Variants in CEP85L observed in about 807,000 individuals in gnomAD.
CEP85L encodes centrosomal protein 85L.
Under a neutral mutation model 100.3 loss-of-function variants are expected in CEP85L, and 60 were observed. The ratio of observed to expected loss-of-function variants is 0.60; its 90% CI spans 0.49 to 0.74. The LOEUF is 0.74. Ranked by LOEUF, CEP85L falls within the 30% of genes least tolerant of loss-of-function variation. CEP85L has a pLI of 0.00. For missense variants in CEP85L, 973 were observed against 936.2 expected (o/e 1.04, Z -0.51); for synonymous variants, 319 against 322.7 (o/e 0.99, Z 0.12).
intron 1 of CEP85L, among the ~76,000 whole-genome samples, chr6:118,683,300 C>A (rs866827364): frequency 2.6e-5 from 4 of 152,192 alleles, no homozygotes; most frequent in Admixed American, 1.3e-4. Flanking sequence ...CCAAACCAAT[C>A]TTTGGGGGAG....
At chr6:118,508,007 T>TA (rs1480528355) in intron 5 of CEP85L, among the ~76,000 whole-genome samples, 22 of 152,340 alleles carry the variant, frequency 1.4e-4, no homozygotes, top group African/African-American at 4.8e-4. Context: ...ACCTTATCCA[T>TA]AGTTAAGATA....
chr6:118,687,433 G>A (rs1232717168), intron 1 of CEP85L, among the ~76,000 whole-genome samples: 3 of 152,176 alleles, frequency 2.0e-5, no homozygotes, highest in African/African-American at 7.2e-5. Flanking sequence ...CCTAAGCCTA[G>A]CTGGGAAGGT....
At chr6:118,555,118 C>A (rs2114948304) in intron 3 of CEP85L, among the ~76,000 whole-genome samples, 1 of 152,260 alleles carries the variant, frequency 6.6e-6, no homozygotes, top group African/African-American at 2.4e-5. Context: ...TAACTGTATT[C>A]TGCTACACAT....
intron 3 of CEP85L, among the ~76,000 whole-genome samples, chr6:118,525,629 G>A (rs79234838): frequency 1.3e-5 from 2 of 152,234 alleles, no homozygotes; most frequent in African/African-American, 4.8e-5. Flanking sequence ...AAAGCTAGGA[G>A]AGAGGCATGG....
At chr6:118,520,736 T>C (rs144489007) in intron 4 of CEP85L, among the ~76,000 whole-genome samples, 38 of 152,334 alleles carry the variant, frequency 2.5e-4, no homozygotes, top group African/African-American at 9.1e-4. Flanking sequence ...AACTCCACTT[T>C]TACGAGCTAA....
upstream of CEP85L, chr6:118,652,420 G>T: frequency 8.8e-7 from 1 of 1,141,826 alleles, no homozygotes; most frequent in Non-Finnish European, 1.1e-6. Context: ...CTGGCAATAT[G>T]GTGATGCTTC....
chr6:118,480,335 T>A (rs1773684592), intron 9 of CEP85L, 61 bp downstream of exon 9: 1 of 809,924 alleles, frequency 1.2e-6, no homozygotes. Context: ...AAATTATGTA[T>A]CTATACACAC....
chr6:118,504,731 T>C (rs551493355), intron 5 of CEP85L, among the ~76,000 whole-genome samples: 1 of 152,288 alleles, frequency 6.6e-6, no homozygotes, highest in Non-Finnish European at 1.5e-5. Context: ...AATTGGCATC[T>C]GAAGTGGAGG....
chr6:118,542,721 A>G (rs1413110612), intron 3 of CEP85L, among the ~76,000 whole-genome samples: 2 of 151,972 alleles, frequency 1.3e-5, no homozygotes, highest in African/African-American at 2.4e-5. Context: ...TATTATGGTT[A>G]CACAAAACTA....
chr6:118,545,585 C>G (rs551480297), intron 3 of CEP85L, among the ~76,000 whole-genome samples: 1 of 151,918 alleles, frequency 6.6e-6, no homozygotes, highest in Admixed American at 6.6e-5. Flanking sequence ...AGACTCCGCA[C>G]CCCCTTCCAA....
chr6:118,581,579 G>A (rs1313521420), intron 2 of CEP85L, among the ~76,000 whole-genome samples: 1 of 152,086 alleles, frequency 6.6e-6, no homozygotes, highest in Non-Finnish European at 1.5e-5. Flanking sequence ...TACAGCCACA[G>A]GCGGCACATT....
At chr6:118,582,939 AAT>A (rs1298928393) in intron 2 of CEP85L, among the ~76,000 whole-genome samples, 3 of 152,216 alleles carry the variant, frequency 2.0e-5, no homozygotes, top group African/African-American at 2.4e-5. Flanking sequence ...AAGGAAAGGA[AAT>A]ATAAGTGAAG....
intron 2 of CEP85L, among the ~76,000 whole-genome samples, chr6:118,576,407 G>A (rs1336496694): frequency 6.6e-6 from 1 of 152,160 alleles, no homozygotes; most frequent in Admixed American, 6.5e-5. Flanking sequence ...AGTGAAGAAG[G>A]CCCCACCTCT....
chr6:118,503,135 T>C (rs991486354), intron 5 of CEP85L, among the ~76,000 whole-genome samples: 2 of 152,238 alleles, frequency 1.3e-5, no homozygotes, highest in Non-Finnish European at 2.9e-5. Flanking sequence ...CAATCATTTT[T>C]CAGTATGTCA....
At position 118,511,160 on chromosome 6, in the gene CEP85L, T is replaced by G. The variant is rs768665734; in HGVS notation, c.1257+138A>C. On this transcript the variant is annotated intron_variant, in intron 5 of 12. Transcript: ENST00000368491. ...ATGGAAGGCTGTAGTTGGACACTCTTTGCCACACATATAAATAAATATAAA... is the reference window on the plus strand; with the variant it reads ...ATGGAAGGCTGTAGTTGGACACTCTGTGCCACACATATAAATAAATATAAA... 6 of 624,948 alleles carry G rather than the reference T, an allele frequency of 9.6e-6. No individual in the cohort carries two copies. In the Admixed American group the frequency reaches 1.1e-4, roughly 11 times the overall value. The allele number at this position is 624,948 out of a possible 1,614,324, so 38.7% of individuals were successfully genotyped here.
At chr6:118,584,232 C>T (rs761336862) in intron 2 of CEP85L, among the ~76,000 whole-genome samples, 2 of 152,280 alleles carry the variant, frequency 1.3e-5, no homozygotes, top group South Asian at 2.1e-4. Flanking sequence ...TATAAAGTTT[C>T]AAAACCCAAG....
At position 118,470,630 on chromosome 6, in the gene CEP85L, C is replaced by G. The variant is rs1315970014; in HGVS notation, c.1929G>C (p.Lys643Asn). 2.5e-6 allele frequency: 4 copies of G among 1,597,710 alleles called. No individual in the cohort carries two copies. The highest frequency in any genetic ancestry group is 2.3e-5 in the South Asian group (2 of 88,626). The change falls in exon 11 of 13, where the codon AAG (lysine) becomes AAC (asparagine). Residue 643 changes from lysine to asparagine, a missense_variant. This residue lies in a region of CEP85L where 890 missense variants were observed against 844.5 expected (regional missense o/e 1.05). Coordinates refer to ENST00000368491, the MANE Select transcript of CEP85L (RefSeq NM_001042475.3). Reference sequence around the variant, plus strand: ...GAGTGGTCAGTTTCTCTTTAGAAAGCTTTCCTTGCATAGACTAGAATTTTT... The same window carrying G: ...GAGTGGTCAGTTTCTCTTTAGAAAGGTTTCCTTGCATAGACTAGAATTTTT... ...MILEIQSMQG[K>N]LSKEKLTTQK...
At chr6:118,707,528 A>G (rs968359243) in intron 1 of CEP85L, among the ~76,000 whole-genome samples, 2 of 152,138 alleles carry the variant, frequency 1.3e-5, no homozygotes, top group African/African-American at 4.8e-5. Flanking sequence ...ATTCAATTCT[A>G]CAGTGAGGAA....
chr6:118,563,176 G>A (rs1779321913), intron 3 of CEP85L, among the ~76,000 whole-genome samples: 1 of 152,272 alleles, frequency 6.6e-6, no homozygotes, highest in African/African-American at 2.4e-5. Flanking sequence ...GGGCATAATG[G>A]CTTCTTTTCA....
Sources: allele counts gnomAD v4.1 joint callset (sites outside exome capture counted in the v4.1 genomes callset), GRCh38; gene constraint gnomAD v4.1.1; regional missense constraint gnomAD v4.1.1; transcripts MANE v1.5; gene names NCBI Gene and HGNC (gene_info 2026-07-23, HGNC 2026-07-21).